RGS6: variants seen among roughly 807,000 people sequenced by gnomAD.
RGS6 encodes regulator of G-protein signaling 6.
In RGS6, 30 loss-of-function variants were observed where a neutral mutation model predicts 78.5. That is an observed-to-expected ratio of 0.38 (90% CI 0.29 to 0.52). RGS6 has a LOEUF of 0.52. RGS6 is among the 20% of genes least tolerant of loss of function. RGS6 has a pLI of 0.85. For missense variants in RGS6, 495 were observed against 609.7 expected, an observed-to-expected ratio of 0.81 and a Z score of 1.98; for synonymous variants, 206 against 206.0, an observed-to-expected ratio of 1.00 and a Z score of 0.00.
Position 72,528,249 on chromosome 14 carries a change from G to A in RGS6, c.1279-7937G>A, listed in dbSNP as rs1382785659. Among the ~76,000 whole-genome samples, 4 of 152,204 alleles carry A rather than the reference G, an allele frequency of 2.6e-5. No individual in the cohort carries two copies. In the East Asian group the frequency reaches 7.7e-4, roughly 29 times the overall value. Reference sequence around the variant, plus strand: ...GTGTGGTTTTGAGACAGTTTGTACTGCATGCTCTCTCCAGCTCTCACTGTG... The same window carrying A: ...GTGTGGTTTTGAGACAGTTTGTACTACATGCTCTCTCCAGCTCTCACTGTG... On this transcript the variant is annotated intron_variant, in intron 15 of 17. Coordinates refer to ENST00000553525, the MANE Select transcript of RGS6 (RefSeq NM_001204424.2).
chr14:72,241,089 A>G (rs1297221101), intron 2 of RGS6, among the ~76,000 whole-genome samples: 1 of 150,176 alleles, frequency 6.7e-6, no homozygotes, highest in Non-Finnish European at 1.5e-5. Context: ...CCAGGGAGTC[A>G]GAGGCTGCAG....
At chr14:72,074,742 T>G (rs1360299976) in intron 2 of RGS6, among the ~76,000 whole-genome samples, 2 of 152,154 alleles carry the variant, frequency 1.3e-5, no homozygotes, top group Admixed American at 1.3e-4. Flanking sequence ...GTGTAAATGT[T>G]TTTGTGCATT....
At chr14:72,566,985 A>T (rs1252392293), downstream of RGS6, among the ~76,000 whole-genome samples, 7 of 152,122 alleles carry the variant, frequency 4.6e-5, no homozygotes, top group Admixed American at 4.6e-4. Context: ...TGCACTTCCC[A>T]CTAACGCCAA....
At chr14:72,137,880 A>T (rs2096471260) in intron 2 of RGS6, among the ~76,000 whole-genome samples, 1 of 152,170 alleles carries the variant, frequency 6.6e-6, no homozygotes, top group African/African-American at 2.4e-5. Context: ...TTACATAAAT[A>T]TGATTGATCA....
chr14:72,224,723 G>C lies in RGS6; in HGVS notation c.85-127372G>C, dbSNP rs554144817. On this transcript the variant is annotated intron_variant, in intron 2 of 17. Coordinates refer to ENST00000553525, the MANE Select transcript of RGS6 (RefSeq NM_001204424.2). ...GATTCCCACAAATGTGTGTGCATCA[G>C]TATATAAAGCATTACATTTAATCTC... 3.3e-5 allele frequency among the ~76,000 whole-genome samples: 5 copies of C among 152,250 alleles called. No individual in the cohort carries two copies. The East Asian group carries it at 9.7e-4, about 29-fold the overall frequency.
intron 2 of RGS6, among the ~76,000 whole-genome samples, chr14:72,253,840 A>G (rs1296855773): frequency 6.6e-6 from 1 of 152,198 alleles, no homozygotes; most frequent in Non-Finnish European, 1.5e-5. Flanking sequence ...TAAAACCACT[A>G]AGATGTATGG....
At chr14:72,020,108 G>C (rs780841602) in intron 2 of RGS6, among the ~76,000 whole-genome samples, 4 of 152,168 alleles carry the variant, frequency 2.6e-5, no homozygotes, top group Non-Finnish European at 4.4e-5. Context: ...GTGTACAGTA[G>C]GCATATTTGC....
chr14:72,014,958 T>C (rs1398827209), intron 2 of RGS6, among the ~76,000 whole-genome samples: 1 of 152,242 alleles, frequency 6.6e-6, no homozygotes, highest in African/African-American at 2.4e-5. Context: ...GGAATTATCT[T>C]GTGTGTGTCC....
intron 2 of RGS6, among the ~76,000 whole-genome samples, chr14:72,248,654 TG>T (rs748626787): frequency 8.5e-5 from 13 of 152,344 alleles, no homozygotes; most frequent in Non-Finnish European, 1.9e-4. Context: ...ATCAAAGCAA[TG>T]TGCTGCAACT....
At chr14:72,591,857 C>T in the RGS6 span, among the ~76,000 whole-genome samples, 1 of 152,160 alleles carries the variant, frequency 6.6e-6, no homozygotes, top group Admixed American at 6.5e-5. Flanking sequence ...CTAGCCTCAC[C>T]GTGGACATCC....
chr14:72,512,782 A>G (rs2096894745), intron 14 of RGS6, among the ~76,000 whole-genome samples: 1 of 152,246 alleles, frequency 6.6e-6, no homozygotes, highest in South Asian at 2.1e-4. Flanking sequence ...TCAGTCACCC[A>G]TCACAGGGCA....
chr14:71,984,680 A>G (rs2094613939), intron 2 of RGS6, among the ~76,000 whole-genome samples: 1 of 152,156 alleles, frequency 6.6e-6, no homozygotes, highest in African/African-American at 2.4e-5. Flanking sequence ...AGGAGAAAAT[A>G]TATTTTATAA....
intron 2 of RGS6, among the ~76,000 whole-genome samples, chr14:72,132,320 A>C (rs1473238107): frequency 6.8e-6 from 1 of 147,796 alleles, no homozygotes; most frequent in Non-Finnish European, 1.5e-5. Flanking sequence ...TCTGTTGCCC[A>C]GGCTGGAGCG....
intron 2 of RGS6, among the ~76,000 whole-genome samples, chr14:72,282,191 CG>C (rs1413045802): frequency 2.6e-5 from 4 of 152,114 alleles, no homozygotes; most frequent in Non-Finnish European, 5.9e-5. Context: ...TTGTGGCAGC[CG>C]TGAGAGATGG....
the RGS6 span, among the ~76,000 whole-genome samples, chr14:71,869,211 C>G: frequency 6.6e-6 from 1 of 152,218 alleles, no homozygotes; most frequent in Non-Finnish European, 1.5e-5. Context: ...ATTTTAGGTT[C>G]TATGCCAGAT....
At chr14:72,154,628 T>G (rs1383211422) in intron 2 of RGS6, among the ~76,000 whole-genome samples, 2 of 152,198 alleles carry the variant, frequency 1.3e-5, no homozygotes, top group African/African-American at 4.8e-5. Flanking sequence ...ATCTAATGTC[T>G]GACTTTGGCC....
At chr14:72,005,087 G>A (rs1181572880) in intron 2 of RGS6, among the ~76,000 whole-genome samples, 1 of 152,178 alleles carries the variant, frequency 6.6e-6, no homozygotes, top group Admixed American at 6.5e-5. Flanking sequence ...CTGGCAATTA[G>A]GAGAAGCACA....
At chr14:72,221,647 TG>T (rs2046894131) in intron 2 of RGS6, among the ~76,000 whole-genome samples, 1 of 152,142 alleles carries the variant, frequency 6.6e-6, no homozygotes, top group South Asian at 2.1e-4. Context: ...CAAACCTAAT[TG>T]ATACATTCAG....
intron 2 of RGS6, among the ~76,000 whole-genome samples, chr14:72,042,848 A>G (rs1422485651): frequency 6.6e-6 from 1 of 152,174 alleles, no homozygotes; most frequent in Non-Finnish European, 1.5e-5. Context: ...CTTCAAGTAG[A>G]TTGCTGGAGA....
Sources: allele counts gnomAD v4.1 joint callset (sites outside exome capture counted in the v4.1 genomes callset), GRCh38; gene constraint gnomAD v4.1.1; transcripts MANE v1.5; gene names NCBI Gene and HGNC (gene_info 2026-07-23, HGNC 2026-07-21).